The following VAC14 variants were observed in gnomAD, a reference collection of about 807,000 sequenced individuals.
VAC14 encodes protein VAC14 homolog.
VAC14 carries 47 observed loss-of-function variants against 85.3 expected under a neutral mutation model. The observed-to-expected ratio is 0.55, with a 90% CI of 0.44 to 0.70. The LOEUF (loss-of-function observed/expected upper bound fraction) is 0.70. Among genes scored for constraint, VAC14 ranks in the 30% least tolerant of loss-of-function variants. The pLI is 0.00. For missense variants in VAC14, 861 were observed against 1,004.3 expected, an observed-to-expected ratio of 0.86 and a Z score of 1.93; for synonymous variants, 447 against 430.5, an observed-to-expected ratio of 1.04 and a Z score of -0.47.
chr16:70,730,126 A>C (rs1347416401), intron 14 of VAC14, among the ~76,000 whole-genome samples: 2 of 151,450 alleles, frequency 1.3e-5, no homozygotes, highest in East Asian at 3.9e-4. Flanking sequence ...AGACAAATCT[A>C]CTTCCTACTC....
intron 13 of VAC14, among the ~76,000 whole-genome samples, chr16:70,737,169 G>A (rs1344490852): frequency 6.6e-6 from 1 of 152,212 alleles, no homozygotes; most frequent in Non-Finnish European, 1.5e-5. Flanking sequence ...ACTGCTGCCT[G>A]CTCTTCCGCC....
rs541173506 is a variant in VAC14 at position 70,781,784 on chromosome 16, GC to G, written c.946+84del. The G allele has an allele frequency of 1.4e-4, 218 of 1,533,438 alleles. 2 individuals are homozygous for G. In the East Asian group the frequency reaches 4.4e-3, roughly 31 times the overall value. The allele number at this position is 1,533,438 out of a possible 1,614,324, so 95.0% of individuals were successfully genotyped here. On this transcript the variant is annotated intron_variant, in intron 8 of 18. Transcript: ENST00000261776. ...TGGAAGTGTGATGGATCCTAAGAGA[GC>G]CCCCAGCCCCCAGTGCAGGGTCCCT...
At chr16:70,764,642 T>C (rs1267121858) in intron 10 of VAC14, among the ~76,000 whole-genome samples, 1 of 152,220 alleles carries the variant, frequency 6.6e-6, no homozygotes, top group African/African-American at 2.4e-5. Flanking sequence ...CCAATGTATC[T>C]AAAATATTAG....
intron 12 of VAC14, among the ~76,000 whole-genome samples, chr16:70,752,657 C>T (rs2031479734): frequency 6.6e-6 from 1 of 152,240 alleles, no homozygotes; most frequent in South Asian, 2.1e-4. Context: ...CAGGGCCCCG[C>T]TTCATTGTGG....
At chr16:70,782,287 T>C (rs1322575577) in intron 7 of VAC14, among the ~76,000 whole-genome samples, 2 of 152,230 alleles carry the variant, frequency 1.3e-5, no homozygotes, top group Non-Finnish European at 2.9e-5. Context: ...AATTAACTTC[T>C]CCACCCCTTG....
intron 10 of VAC14, among the ~76,000 whole-genome samples, chr16:70,765,719 GTA>G (rs2032755452): frequency 6.6e-6 from 1 of 152,174 alleles, no homozygotes; most frequent in South Asian, 2.1e-4. Flanking sequence ...CGCCTCCACT[GTA>G]TCCTGGGAGG....
At chr16:70,784,266 C>A in intron 4 of VAC14, 46 bp from the exon 5 acceptor site, 1 of 1,528,662 alleles carries the variant, frequency 6.5e-7, no homozygotes, top group Non-Finnish European at 9.0e-7. Context: ...GAGACCAGGG[C>A]TGCCTGACCT....
At position 70,712,636 on chromosome 16, in the gene VAC14, G is replaced by A. The variant is rs575907119; in HGVS notation, c.1662-13825C>T. 4.6e-5 allele frequency among the ~76,000 whole-genome samples: 7 copies of A among 152,260 alleles called. No homozygotes were observed. In the East Asian group the frequency reaches 1.2e-3, roughly 25 times the overall value. ...ACTGCTGCCAAACCAGCACCAGACCGAGCCTCATGCTGATAAATGCACAGA... is the reference window on the plus strand; with the variant it reads ...ACTGCTGCCAAACCAGCACCAGACCAAGCCTCATGCTGATAAATGCACAGA... On this transcript the variant is annotated intron_variant, in intron 14 of 18. Transcript: ENST00000261776.
At chr16:70,791,794 A>C (rs1373171781) in intron 1 of VAC14, among the ~76,000 whole-genome samples, 1 of 152,208 alleles carries the variant, frequency 6.6e-6, no homozygotes, top group Admixed American at 6.5e-5. Context: ...GTGGGGAAAC[A>C]CTTGTCAAGA....
chr16:70,764,131 G>C (rs1318019073), intron 10 of VAC14, among the ~76,000 whole-genome samples: 1 of 152,186 alleles, frequency 6.6e-6, no homozygotes, highest in East Asian at 1.9e-4. Context: ...TTCCTCACTC[G>C]CCTGCAGCCT....
chr16:70,785,896 G>C (rs1425342079), intron 2 of VAC14, 27 bp from the exon 3 acceptor site: 7 of 1,589,376 alleles, frequency 4.4e-6, no homozygotes, highest in Non-Finnish European at 6.0e-6. Flanking sequence ...GGAGAAGACA[G>C]ATCAGAATGG....
chr16:70,775,601 C>G (rs532369512), intron 9 of VAC14, among the ~76,000 whole-genome samples: 3 of 152,170 alleles, frequency 2.0e-5, no homozygotes, highest in Admixed American at 6.5e-5. Context: ...GGGCTGGGCC[C>G]GCTCAGATGC....
chr16:70,760,962 G>GGGGTGT (rs1402592187), intron 12 of VAC14, among the ~76,000 whole-genome samples: 679 of 47,612 alleles, frequency 0.014, 46 homozygotes, highest in African/African-American at 0.038. Context: ...ACGAAGAGAG[G>GGGGTGT]GTGTGTGTGT....
At chr16:70,707,581 G>T (rs1482358248) in intron 14 of VAC14, among the ~76,000 whole-genome samples, 1 of 152,056 alleles carries the variant, frequency 6.6e-6, no homozygotes, top group Non-Finnish European at 1.5e-5. Flanking sequence ...CACAGAAAAC[G>T]AAACAGTCTC....
chr16:70,792,301 A>G (rs2143326707), intron 1 of VAC14, among the ~76,000 whole-genome samples: 1 of 152,314 alleles, frequency 6.6e-6, no homozygotes, highest in South Asian at 2.1e-4. Context: ...TTTCATCTAC[A>G]GGTTGGGAGC....
At chr16:70,730,479 C>T (rs1024586413) in intron 14 of VAC14, among the ~76,000 whole-genome samples, 4 of 152,054 alleles carry the variant, frequency 2.6e-5, no homozygotes, top group African/African-American at 9.7e-5. Context: ...CCTTCAACTC[C>T]TGACCCCCAG....
chr16:70,727,590 G>A (rs892928190), intron 14 of VAC14, among the ~76,000 whole-genome samples: 4 of 152,150 alleles, frequency 2.6e-5, no homozygotes, highest in Admixed American at 2.0e-4. Context: ...CGCACACCTC[G>A]GCCTCCCAAA....
chr16:70,742,117 G>A (rs2030381158), intron 13 of VAC14, among the ~76,000 whole-genome samples: 1 of 152,210 alleles, frequency 6.6e-6, no homozygotes, highest in Non-Finnish European at 1.5e-5. Context: ...GGGCCTGGGA[G>A]GCCTGGGTGT....
rs535373173 is a variant in VAC14 at position 70,711,875 on chromosome 16, C to T, written c.1662-13064G>A. ...CAGGACGAGAAGTTAAACATGAATA[C>T]TCACCAGTGGTAACAAAGAGCAAAT... On this transcript the variant is annotated intron_variant, in intron 14 of 18. Coordinates refer to ENST00000261776, the MANE Select transcript of VAC14 (RefSeq NM_018052.5). Among the ~76,000 whole-genome samples the T allele has an allele frequency of 3.3e-5, 5 of 152,322 alleles. No individual in the cohort carries two copies. The South Asian group carries it at 8.3e-4, about 25-fold the overall frequency.
Sources: gnomAD v4.1 joint callset for allele counts (sites outside exome capture counted in the v4.1 genomes callset) on GRCh38, gnomAD v4.1.1 for gene constraint, MANE v1.5 for transcripts, NCBI Gene and HGNC (gene_info 2026-07-23, HGNC 2026-07-21) for gene names.